FSD2: variants seen among roughly 807,000 people sequenced by gnomAD.
FSD2 encodes the protein fibronectin type III and SPRY domain-containing protein 2.
Under a neutral mutation model 80.4 loss-of-function variants are expected in FSD2, and 71 were observed. The ratio of observed to expected loss-of-function variants is 0.88; its 90% CI spans 0.73 to 1.08. The LOEUF is 1.08. Ranked by LOEUF, FSD2 falls within the 50% of genes least tolerant of loss-of-function variation. The pLI, the probability that FSD2 is intolerant of heterozygous loss-of-function variation, is 0.00. For synonymous variants in FSD2, 361 were observed against 329.5 expected, an observed-to-expected ratio of 1.10 and a Z score of -1.03; for missense variants, 923 against 913.8, an observed-to-expected ratio of 1.01 and a Z score of -0.13.
At chr15:82,768,388 A>G (rs985027343) in intron 9 of FSD2, among the ~76,000 whole-genome samples, 6 of 152,040 alleles carry the variant, frequency 3.9e-5, no homozygotes, top group Admixed American at 3.3e-4. Flanking sequence ...TCTTTATCCA[A>G]AGTGGATCCT....
chr15:82,762,390 G>T, intron 11 of FSD2, 112 bp from the exon 12 acceptor site: 1 of 964,458 alleles, frequency 1.0e-6, no homozygotes, highest in Non-Finnish European at 1.5e-6. Context: ...GAACGTGGTG[G>T]TAGGTGCTTC....
intron 9 of FSD2, among the ~76,000 whole-genome samples, chr15:82,767,649 C>T (rs187485273): frequency 6.6e-6 from 1 of 152,278 alleles, no homozygotes; most frequent in East Asian, 1.9e-4. Flanking sequence ...AAAGTATCAG[C>T]ATAAATTGCA....
intron 4 of FSD2, among the ~76,000 whole-genome samples, chr15:82,782,542 C>G (rs1202072361): frequency 6.6e-6 from 1 of 152,218 alleles, no homozygotes; most frequent in African/African-American, 2.4e-5. Context: ...TGCCTCTGCG[C>G]TGGGGGAGGG....
rs183535947 is a variant in FSD2 at position 82,787,537 on chromosome 15, G to A, written c.-78-69C>T. 8 of 685,050 alleles carry A rather than the reference G, an allele frequency of 1.2e-5. No homozygotes were observed. The East Asian group carries it at 1.6e-4, about 14-fold the overall frequency. 42.4% of individuals were successfully genotyped at this position (685,050 alleles called of 1,614,324 possible). ...ATTGCAGTAGATGATCATTAGATTG[G>A]GCTCTACTCATATAAAACTTTAAAA... is the stretch of plus-strand genomic sequence containing the variant. On this transcript the variant is annotated intron_variant, in intron 1 of 12. Transcript: ENST00000334574.
intron 11 of FSD2, 150 bp downstream of exon 11, chr15:82,765,016 T>A: frequency 1.0e-6 from 1 of 953,644 alleles, no homozygotes; most frequent in Non-Finnish European, 1.5e-6. Flanking sequence ...CTCCTCTGGG[T>A]CCCCTCCCCA....
rs371237951 is a variant in FSD2, at chr15:82,762,110, T to C, written c.1989A>G (p.Ala663=). The C allele has an allele frequency of 1.3e-6, 2 of 1,596,664 alleles. No homozygotes were observed. Among genetic ancestry groups the C allele is most frequent in the Non-Finnish European group, 1.7e-6 (2 of 1,171,506 alleles). ...TCCAGATTTTACTTTACCTTGATGATGCAAATGTGTGCCTCATGCACCAGG... is the reference window on the plus strand; with the variant it reads ...TCCAGATTTTACTTTACCTTGATGACGCAAATGTGTGCCTCATGCACCAGG... The part of the protein sequence containing the change: ...CLSWCMRHTF[A]SSRHKYEFLH... Residue 663 remains alanine (A), a synonymous_variant, in exon 12 of 13, where the codon GCA becomes GCG. Transcript: ENST00000334574.
At chr15:82,790,163 G>A (rs918551809) in intron 1 of FSD2, among the ~76,000 whole-genome samples, 5 of 149,796 alleles carry the variant, frequency 3.3e-5, no homozygotes, top group African/African-American at 9.9e-5. Context: ...ACAACAGAGC[G>A]AGACTCCGTC....
chr15:82,774,046 T>G (rs2049653736), intron 6 of FSD2, among the ~76,000 whole-genome samples: 1 of 152,170 alleles, frequency 6.6e-6, no homozygotes, highest in African/African-American at 2.4e-5. Context: ...CAGACTATCC[T>G]TATAAATAAG....
At chr15:82,785,483 C>T (rs2049973330) in intron 3 of FSD2, among the ~76,000 whole-genome samples, 1 of 151,980 alleles carries the variant, frequency 6.6e-6, no homozygotes, top group Non-Finnish European at 1.5e-5. Flanking sequence ...TGGCACCACA[C>T]CCAGCTAATT....
rs902169163 is a variant in FSD2, at chr15:82,796,563, C to T, written c.-78-9095G>A. On this transcript the variant is annotated intron_variant, in intron 1 of 12. Coordinates refer to ENST00000334574, the MANE Select transcript of FSD2 (RefSeq NM_001007122.4). ...TTCTCAGGTTCTTGACCCTCAGAAA[C>T]GATTCAAGAGAATAAATATTTGTTG... is the stretch of plus-strand genomic sequence containing the variant. Among the ~76,000 whole-genome samples the T allele has an allele frequency of 3.9e-5, 6 of 152,182 alleles. No individual in the cohort carries two copies. In the South Asian group the frequency reaches 6.2e-4, roughly 16 times the overall value.
At chr15:82,762,826 T>C (rs997546976) in intron 11 of FSD2, among the ~76,000 whole-genome samples, 1 of 152,164 alleles carries the variant, frequency 6.6e-6, no homozygotes, top group Non-Finnish European at 1.5e-5. Flanking sequence ...CTGACAAAGA[T>C]TAGAGTTATG....
chr15:82,765,026 AT>A, intron 11 of FSD2, 139 bp downstream of exon 11: 1 of 1,068,082 alleles, frequency 9.4e-7, no homozygotes, highest in Non-Finnish European at 1.3e-6. Context: ...TCCCCTCCCC[AT>A]TAGGCTCCTC....
Position 82,759,071 on chromosome 15 carries a change from T to C in FSD2, c.*277A>G. On this transcript the variant is annotated 3_prime_UTR_variant, in exon 13 of 13. Coordinates refer to ENST00000334574, the MANE Select transcript of FSD2 (RefSeq NM_001007122.4). ...AAGATATTTTGCATATACACGAATA[T>C]AGTTTGACAGCTTCAAAGACTTTTG... The C allele has an allele frequency of 2.6e-6, 1 of 386,758 alleles. No homozygotes were observed. The highest frequency in any genetic ancestry group is 3.4e-5 in the South Asian group (1 of 29,462). The allele number at this position is 386,758 out of a possible 1,614,324, so 24.0% of individuals were successfully genotyped here. A position where few individuals can be genotyped will look rare whatever the true frequency, so the allele number is the denominator to read the frequency against.
At chr15:82,790,322 C>T (rs2050110094) in intron 1 of FSD2, among the ~76,000 whole-genome samples, 1 of 152,226 alleles carries the variant, frequency 6.6e-6, no homozygotes, top group Non-Finnish European at 1.5e-5. Context: ...CCTGAATCTT[C>T]CCTGAACCTT....
chr15:82,797,232 A>T (rs539660517), intron 1 of FSD2, among the ~76,000 whole-genome samples: 1 of 152,352 alleles, frequency 6.6e-6, no homozygotes, highest in African/African-American at 2.4e-5. Flanking sequence ...ATAATTTTTC[A>T]TGATAGATCA....
At chr15:82,797,678 C>T (rs554082864) in intron 1 of FSD2, among the ~76,000 whole-genome samples, 105 of 152,176 alleles carry the variant, frequency 6.9e-4, no homozygotes, top group Middle Eastern at 3.4e-3. Context: ...GGCGTGGTGG[C>T]GGGCGCCTGT....
At chr15:82,781,262 CT>C (rs1413441039) in intron 4 of FSD2, among the ~76,000 whole-genome samples, 5 of 152,312 alleles carry the variant, frequency 3.3e-5, no homozygotes, top group African/African-American at 1.2e-4. Context: ...ATGTTTATCA[CT>C]TTCTCCATGT....
chr15:82,755,637 G>C lies in FSD2; in HGVS notation c.*3711C>G, dbSNP rs1392744277. 6.8e-6 allele frequency: 1 copy of C among 148,036 alleles called. No homozygotes were observed. Among genetic ancestry groups the C allele is most frequent in the South Asian group, 2.1e-4 (1 of 4,670 alleles). 9.2% of individuals were successfully genotyped at this position (148,036 alleles called of 1,614,324 possible). On this transcript the variant is annotated 3_prime_UTR_variant, in exon 13 of 13. Coordinates refer to ENST00000334574, the MANE Select transcript of FSD2 (RefSeq NM_001007122.4). ...TAAAGTAGTCAGACATGATATACTT[G>C]ACAAGAACCACCACCTGTTCAGTAG...
At chr15:82,761,809 C>T in intron 12 of FSD2, among the ~76,000 whole-genome samples, 1 of 151,768 alleles carries the variant, frequency 6.6e-6, no homozygotes, top group Non-Finnish European at 1.5e-5. Context: ...CACCACTGCA[C>T]CCAGCATTCT....
Sources: gnomAD v4.1 joint callset for allele counts (sites outside exome capture counted in the v4.1 genomes callset) on GRCh38, gnomAD v4.1.1 for gene constraint, MANE v1.5 for transcripts, NCBI Gene and HGNC (gene_info 2026-07-23, HGNC 2026-07-21) for gene names.